WNT7A: variants seen among roughly 807,000 people sequenced by gnomAD.
The protein encoded by WNT7A is protein Wnt-7a.
A neutral mutation model predicts 28.2 loss-of-function variants in WNT7A; 16 were observed. The ratio of observed to expected loss-of-function variants is 0.57; its 90% CI spans 0.38 to 0.86. The LOEUF is 0.86. Among genes scored for constraint, WNT7A ranks in the 40% least tolerant of loss-of-function variants. The pLI is 0.00. For synonymous variants in WNT7A, 190 were observed against 195.9 expected, an observed-to-expected ratio of 0.97 and a Z score of 0.25; for missense variants, 411 against 489.7, an observed-to-expected ratio of 0.84 and a Z score of 1.52.
chr3:13,867,639 C>T (rs929793353), intron 2 of WNT7A, among the ~76,000 whole-genome samples: 4 of 152,182 alleles, frequency 2.6e-5, no homozygotes, highest in Admixed American at 2.6e-4. Context: ...ACAGCCCACT[C>T]ACCCTGAGGA....
chr3:13,851,160 C>T (rs930150282), intron 3 of WNT7A, among the ~76,000 whole-genome samples: 3 of 152,336 alleles, frequency 2.0e-5, no homozygotes, highest in Middle Eastern at 3.4e-3. Context: ...CCAACCGTGG[C>T]CACAGCCCCT....
chr3:13,877,277 G>T (rs1559310063), intron 1 of WNT7A: 1 of 152,264 alleles, frequency 6.6e-6, no homozygotes, highest in Non-Finnish European at 1.5e-5. Flanking sequence ...GAAAATTGAG[G>T]CTCACAGAGG....
intron 3 of WNT7A, among the ~76,000 whole-genome samples, chr3:13,835,023 G>C (rs1262313828): frequency 6.6e-6 from 1 of 152,202 alleles, no homozygotes; most frequent in East Asian, 1.9e-4. Flanking sequence ...GTGACCTTGA[G>C]CTGAGAACCA....
chr3:13,832,752 A>G (rs1397909097), intron 3 of WNT7A, among the ~76,000 whole-genome samples: 1 of 151,952 alleles, frequency 6.6e-6, no homozygotes, highest in Non-Finnish European at 1.5e-5. Context: ...CCTGCCTGAC[A>G]TGGAGGGGAT....
chr3:13,833,507 C>A (rs533347639), intron 3 of WNT7A, among the ~76,000 whole-genome samples: 1 of 152,360 alleles, frequency 6.6e-6, no homozygotes, highest in South Asian at 2.1e-4. Context: ...TTTAAAGTAG[C>A]AAACCCATTT....
intron 3 of WNT7A, among the ~76,000 whole-genome samples, chr3:13,837,973 C>T (rs956944706): frequency 1.7e-4 from 26 of 152,228 alleles, no homozygotes; most frequent in African/African-American, 5.5e-4. Context: ...CAAGGTTCCA[C>T]GCTGCCCCGC....
At chr3:13,846,018 C>G (rs1198264979) in intron 3 of WNT7A, among the ~76,000 whole-genome samples, 2 of 152,192 alleles carry the variant, frequency 1.3e-5, no homozygotes, top group Non-Finnish European at 2.9e-5. Context: ...CCATGACAGC[C>G]TGGGGCCCCT....
chr3:13,851,237 C>G (rs1694632459), intron 3 of WNT7A, among the ~76,000 whole-genome samples: 1 of 152,242 alleles, frequency 6.6e-6, no homozygotes, highest in South Asian at 2.1e-4. Context: ...CCACCAAAGC[C>G]TCTTCTGGGC....
intron 3 of WNT7A, among the ~76,000 whole-genome samples, chr3:13,837,477 T>A (rs1694389043): frequency 6.6e-6 from 1 of 152,038 alleles, no homozygotes; most frequent in Non-Finnish European, 1.5e-5. Flanking sequence ...TCTGCTGTAT[T>A]CGGGAGCATC....
intron 2 of WNT7A, among the ~76,000 whole-genome samples, chr3:13,860,970 T>A (rs1048178164): frequency 2.0e-5 from 3 of 152,168 alleles, no homozygotes; most frequent in Non-Finnish European, 4.4e-5. Context: ...TGAATATAGA[T>A]CTACAATATA....
rs550512048 is a variant in WNT7A, at chr3:13,858,575, C to A, written c.299-3772G>T. Reference sequence around the variant, plus strand: ...GCACCTTGGGGCACATTTCACCCCCCCGAGCTCCAGATGGAGAGCTTTCTT... The same window carrying A: ...GCACCTTGGGGCACATTTCACCCCCACGAGCTCCAGATGGAGAGCTTTCTT... On this transcript the variant is annotated intron_variant, in intron 2 of 3. Coordinates refer to ENST00000285018, the MANE Select transcript of WNT7A (RefSeq NM_004625.4). Among the ~76,000 whole-genome samples the A allele has an allele frequency of 6.6e-5, 10 of 152,290 alleles. 1 individual carries two copies. Among genetic ancestry groups the A allele is most frequent in the South Asian group, 6.2e-4 (3 of 4,814 alleles).
At chr3:13,871,058 C>T (rs1365571387) in intron 2 of WNT7A, among the ~76,000 whole-genome samples, 1 of 152,242 alleles carries the variant, frequency 6.6e-6, no homozygotes. Context: ...CAGCTGGTCT[C>T]ATGTCCACTC....
At chr3:13,825,461 G>A (rs1030737783) in intron 3 of WNT7A, among the ~76,000 whole-genome samples, 2 of 152,170 alleles carry the variant, frequency 1.3e-5, no homozygotes, top group Non-Finnish European at 2.9e-5. Flanking sequence ...ACTGGCTCTC[G>A]AAAGAAAAAA....
Position 13,848,780 on chromosome 3 carries a change from A to C in WNT7A, c.570+5752T>G, listed in dbSNP as rs532391176. Among the ~76,000 whole-genome samples, 9 of 152,360 alleles carry C rather than the reference A, an allele frequency of 5.9e-5. No homozygotes were observed. The East Asian group carries it at 9.6e-4, about 16-fold the overall frequency. ...AACCTTACATTCACACACACAAAAA[A>C]AAAACCTGTACACACATGGACACAG... On this transcript the variant is annotated intron_variant, in intron 3 of 3. Transcript: ENST00000285018.
At chr3:13,825,301 C>G (rs141428563) in intron 3 of WNT7A, among the ~76,000 whole-genome samples, 1 of 152,266 alleles carries the variant, frequency 6.6e-6, no homozygotes, top group East Asian at 1.9e-4. Context: ...GACAGTGACT[C>G]CCTCATGGTT....
chr3:13,875,029 C>T lies in WNT7A; in HGVS notation c.216G>A (p.Glu72=). The T allele has an allele frequency of 1.2e-6, 2 of 1,614,232 alleles. No individual in the cohort carries two copies. The highest frequency in any genetic ancestry group is 8.5e-7 in the Non-Finnish European group (1 of 1,180,044). ...GGCCATTGCGGAACTGAAACTGACA[C>T]TCGTCCAGGCCCATTTGTGAGCCTT... is the stretch of plus-strand genomic sequence containing the variant. The part of the protein sequence containing the change: ...IGEGSQMGLD[E]CQFQFRNGRW... Residue 72 remains glutamate (E), a synonymous_variant, in exon 2 of 4, where the codon GAG becomes GAA. Transcript: ENST00000285018.
intron 3 of WNT7A, among the ~76,000 whole-genome samples, chr3:13,846,868 T>C (rs1182449550): frequency 2.0e-5 from 3 of 152,166 alleles, no homozygotes; most frequent in Non-Finnish European, 4.4e-5. Context: ...CCTCAGGGCC[T>C]GCCCCGGCTG....
chr3:13,846,871 C>T (rs138380356), intron 3 of WNT7A, among the ~76,000 whole-genome samples: 11 of 152,260 alleles, frequency 7.2e-5, no homozygotes, highest in Admixed American at 3.9e-4. Context: ...CAGGGCCTGC[C>T]CCGGCTGCCC....
chr3:13,868,616 G>A (rs762976848), intron 2 of WNT7A, among the ~76,000 whole-genome samples: 9,599 of 14,096 alleles, frequency 0.68, 4,101 homozygotes, highest in African/African-American at 0.78. Flanking sequence ...GAAAGAGAGA[G>A]AGAGAGAAAG....
Sources: allele counts gnomAD v4.1 joint callset (sites outside exome capture counted in the v4.1 genomes callset), GRCh38; gene constraint gnomAD v4.1.1; transcripts MANE v1.5; gene names NCBI Gene and HGNC (gene_info 2026-07-23, HGNC 2026-07-21).